The following GARS1 variants were observed in gnomAD, a reference collection of about 807,000 sequenced individuals.
The protein encoded by GARS1 is glycine--tRNA ligase.
In GARS1, 46 loss-of-function variants were observed where a neutral mutation model predicts 86.4. The ratio of observed to expected loss-of-function variants is 0.53; its 90% confidence interval spans 0.42 to 0.68. The LOEUF (loss-of-function observed/expected upper bound fraction) is 0.68, where lower values mean the gene tolerates loss of function less well. Ranked by LOEUF, GARS1 falls within the 30% of genes least tolerant of loss-of-function variation. The pLI, the probability that GARS1 is intolerant of heterozygous loss-of-function variation, is 0.00. For synonymous variants in GARS1, 342 were observed against 329.8 expected (o/e 1.04, Z -0.40); for missense variants, 797 against 915.6 (o/e 0.87, Z 1.67).
At chr7:30,633,608 A>G (rs1783278721) in intron 16 of GARS1, 127 bp from the exon 17 acceptor site, 1 of 1,131,854 alleles carries the variant, frequency 8.8e-7, no homozygotes, top group Admixed American at 1.7e-5. Context: ...GGGCTAGAAG[A>G]GCATGAACCC....
intron 9 of GARS1, among the ~76,000 whole-genome samples, chr7:30,616,514 CTG>C (rs1448301702): frequency 6.6e-6 from 1 of 152,232 alleles, no homozygotes; most frequent in Non-Finnish European, 1.5e-5. Context: ...ACAGTAGCTG[CTG>C]TCCACTAGTG....
In GARS1 at chr7:30,628,576, G is replaced by A. The variant is rs370608239; in HGVS notation, c.1716G>A (p.Pro572=). ...CTTTTTCAGTGGAAGAAGTTGTTCC[G>A]AATGTAATTGAACCTTCCTTCGGCC... The part of the protein sequence containing the change: ...QKTLYVEEVV[P]NVIEPSFGLG... Residue 572 remains proline (P), a synonymous_variant, in exon 14 of 17, where the codon CCG becomes CCA. Transcript: ENST00000389266. 340 of 1,610,862 alleles carry A rather than the reference G, an allele frequency of 2.1e-4. 2 individuals are homozygous for A. The East Asian group carries it at 4.1e-3, about 19-fold the overall frequency.
intron 6 of GARS1, among the ~76,000 whole-genome samples, chr7:30,606,071 G>C (rs1367994283): frequency 6.6e-6 from 1 of 151,970 alleles, no homozygotes; most frequent in African/African-American, 2.4e-5. Context: ...GTCTGGATTT[G>C]GCTAATTACG....
chr7:30,604,312 T>G (rs1311055237), intron 6 of GARS1, among the ~76,000 whole-genome samples: 1 of 152,158 alleles, frequency 6.6e-6, no homozygotes, highest in Non-Finnish European at 1.5e-5. Context: ...AAAGTACATT[T>G]CTCCAACACC....
intron 12 of GARS1, among the ~76,000 whole-genome samples, chr7:30,623,394 G>A (rs967228978): frequency 3.9e-5 from 6 of 152,052 alleles, no homozygotes; most frequent in Non-Finnish European, 5.9e-5. Flanking sequence ...AAATATATGT[G>A]TAATATGGAT....
At chr7:30,630,576 T>A in intron 14 of GARS1, among the ~76,000 whole-genome samples, 1 of 146,000 alleles carries the variant, frequency 6.8e-6, no homozygotes, top group South Asian at 2.4e-4. Flanking sequence ...AGTGGCACAA[T>A]CTCAGCTGAC....
intron 3 of GARS1, among the ~76,000 whole-genome samples, chr7:30,600,712 A>C (rs1791355801): frequency 6.6e-6 from 1 of 152,224 alleles, no homozygotes; most frequent in Admixed American, 6.5e-5. Context: ...TTGGATGCTA[A>C]AATTATAGAT....
At chr7:30,595,275 G>C in intron 1 of GARS1, 132 bp downstream of exon 1, 1 of 914,586 alleles carries the variant, frequency 1.1e-6, no homozygotes, top group South Asian at 1.5e-5. Flanking sequence ...ATCCTCTGGC[G>C]TCTTCTTCGC....
intron 1 of GARS1, among the ~76,000 whole-genome samples, chr7:30,598,332 A>T (rs937714832): frequency 6.8e-6 from 1 of 148,134 alleles, no homozygotes; most frequent in Non-Finnish European, 1.5e-5. Flanking sequence ...AGAGACCTTG[A>T]TTCATAATGA....
chr7:30,613,908 T>G (rs1206959259), intron 8 of GARS1, among the ~76,000 whole-genome samples: 1 of 152,216 alleles, frequency 6.6e-6, no homozygotes, highest in Admixed American at 6.5e-5. Flanking sequence ...CTTTTGTCCT[T>G]TTGTTAGTTT....
intron 12 of GARS1, 130 bp downstream of exon 12, chr7:30,622,592 ACTGT>A (rs1783036800): frequency 9.2e-7 from 1 of 1,092,766 alleles, no homozygotes; most frequent in Admixed American, 1.8e-5. Flanking sequence ...CATTTAAAAG[ACTGT>A]CTTTGCCGAG....
At chr7:30,609,848 C>T in intron 7 of GARS1, 118 bp downstream of exon 7, 1 of 794,794 alleles carries the variant, frequency 1.3e-6, no homozygotes, top group Non-Finnish European at 2.1e-6. Context: ...TACAGAAGTA[C>T]AGATGAATGT....
At chr7:30,597,832 C>G (rs961186714) in intron 1 of GARS1, among the ~76,000 whole-genome samples, 1 of 152,158 alleles carries the variant, frequency 6.6e-6, no homozygotes, top group African/African-American at 2.4e-5. Flanking sequence ...CTGTTGGGTG[C>G]CCAAGGGCTA....
intron 7 of GARS1, among the ~76,000 whole-genome samples, chr7:30,610,818 G>A (rs1345736643): frequency 6.6e-6 from 1 of 152,130 alleles, no homozygotes; most frequent in Non-Finnish European, 1.5e-5. Context: ...GATTAGTTTG[G>A]GATAATATTC....
chr7:30,603,091 A>T lies in GARS1; in HGVS notation c.627A>T (p.Gly209=), dbSNP rs781584902. Residue 209 remains glycine (G), a synonymous_variant, in exon 5 of 17, where the codon GGA becomes GGT. Coordinates refer to ENST00000389266, the MANE Select transcript of GARS1 (RefSeq NM_002047.4). Reference sequence around the variant, plus strand: ...TCATGGTGAAAGACGTAAAAAATGGAGAATGTTTTCGTGCTGACCATCTAT... The same window carrying T: ...TCATGGTGAAAGACGTAAAAAATGGTGAATGTTTTCGTGCTGACCATCTAT... ...ADFMVKDVKN[G]ECFRADHLLK... is the part of the protein sequence containing the mutation. 4 of 1,613,874 alleles carry T rather than the reference A, an allele frequency of 2.5e-6. No homozygotes were observed. In the East Asian group the frequency reaches 8.9e-5, roughly 36 times the overall value.
At chr7:30,633,628 A>G (rs1783279142) in intron 16 of GARS1, 107 bp from the exon 17 acceptor site, 1 of 1,341,464 alleles carries the variant, frequency 7.5e-7, no homozygotes, top group Non-Finnish European at 1.1e-6. Context: ...CATGCCTGGC[A>G]TGACATTGTT....
intron 1 of GARS1, among the ~76,000 whole-genome samples, chr7:30,595,457 A>T (rs1483217891): frequency 6.6e-6 from 1 of 151,796 alleles, no homozygotes; most frequent in African/African-American, 2.4e-5. Context: ...CTCTATTTCC[A>T]GTGGGGCTGG....
At chr7:30,608,439 C>A (rs543855966) in intron 6 of GARS1, among the ~76,000 whole-genome samples, 1 of 152,284 alleles carries the variant, frequency 6.6e-6, no homozygotes, top group African/African-American at 2.4e-5. Context: ...GTACCCGTGT[C>A]TTGAAGTTCA....
intron 1 of GARS1, among the ~76,000 whole-genome samples, chr7:30,595,525 T>C (rs779363779): frequency 2.6e-5 from 4 of 152,232 alleles, no homozygotes; most frequent in Non-Finnish European, 5.9e-5. Flanking sequence ...ACTTCAGTTT[T>C]CCAGGCTCTG....
Sources: gnomAD v4.1 joint callset for allele counts (sites outside exome capture counted in the v4.1 genomes callset) on GRCh38, gnomAD v4.1.1 for gene constraint, MANE v1.5 for transcripts, NCBI Gene and HGNC (gene_info 2026-07-23, HGNC 2026-07-21) for gene names.